RASEF: variants seen among roughly 807,000 people sequenced by gnomAD.
The protein encoded by RASEF is ras and EF-hand domain-containing protein.
Under a neutral mutation model 90.1 loss-of-function variants are expected in RASEF, and 68 were observed. The ratio of observed to expected loss-of-function variants is 0.75; its 90% CI spans 0.62 to 0.92. The LOEUF (loss-of-function observed/expected upper bound fraction) is 0.92, where lower values mean the gene tolerates loss of function less well. Ranked by LOEUF, RASEF falls within the 40% of genes least tolerant of loss-of-function variation. RASEF has a pLI of 0.00. For missense variants in RASEF, 949 were observed against 937.2 expected (o/e 1.01, Z -0.16); for synonymous variants, 331 against 345.2 (o/e 0.96, Z 0.46).
At chr9:83,200,882 C>T in the RASEF span, 2,154 of 152,330 alleles carry the variant, frequency 0.014, 17 homozygotes, top group South Asian at 0.033. Context: ...CTGGACATGA[C>T]CTCCAGCTGA....
the RASEF span, among the ~76,000 whole-genome samples, chr9:83,213,097 A>ATTT: frequency 4.2e-4 from 63 of 151,146 alleles, no homozygotes; most frequent in Middle Eastern, 3.4e-3. Flanking sequence ...ACGTTTTAAA[A>ATTT]AAAAAAAAAA....
At chr9:83,159,569 T>C in the RASEF span, among the ~76,000 whole-genome samples, 1 of 152,220 alleles carries the variant, frequency 6.6e-6, no homozygotes, top group Non-Finnish European at 1.5e-5. Context: ...TCTAATTGTG[T>C]TTGAAATGTC....
chr9:83,074,044 T>C, the RASEF span, among the ~76,000 whole-genome samples: 1 of 152,200 alleles, frequency 6.6e-6, no homozygotes, highest in Non-Finnish European at 1.5e-5. Flanking sequence ...ATGTATATTT[T>C]CAATATCTTT....
At chr9:83,068,906 T>A in the RASEF span, among the ~76,000 whole-genome samples, 1 of 152,248 alleles carries the variant, frequency 6.6e-6, no homozygotes. Context: ...AAACTATTTG[T>A]CATGCAAGTT....
the RASEF span, among the ~76,000 whole-genome samples, chr9:83,143,988 C>T: frequency 6.6e-6 from 1 of 152,080 alleles, no homozygotes; most frequent in Non-Finnish European, 1.5e-5. Flanking sequence ...AGAATGAAAT[C>T]CTGTCCTTTG....
Position 82,982,448 on chromosome 9 carries a change from G to A in RASEF, c.*229C>T, listed in dbSNP as rs963228688. 7 of 395,204 alleles carry A rather than the reference G, an allele frequency of 1.8e-5. No homozygotes were observed. Among genetic ancestry groups the A allele is most frequent in the Admixed American group, 3.8e-5 (1 of 25,978 alleles). The allele number at this position is 395,204 out of a possible 1,614,324, so 24.5% of individuals were successfully genotyped here. On this transcript the variant is annotated 3_prime_UTR_variant, in exon 17 of 17. Transcript: ENST00000376447. ...ATTTACATGTTATCTTTTAAGACCT[G>A]TAAGGACATGACTAGTCTATTTAGC...
intron 1 of RASEF, among the ~76,000 whole-genome samples, chr9:83,045,368 G>A (rs1006911851): frequency 2.6e-5 from 4 of 152,170 alleles, no homozygotes; most frequent in African/African-American, 9.7e-5. Context: ...AATTGTTACT[G>A]ATAAGAACCT....
chr9:83,157,579 T>C, the RASEF span, among the ~76,000 whole-genome samples: 1 of 152,220 alleles, frequency 6.6e-6, no homozygotes, highest in African/African-American at 2.4e-5. Context: ...TAAACTTCTT[T>C]CCTTTATTAA....
At chr9:83,120,465 A>G in the RASEF span, among the ~76,000 whole-genome samples, 1 of 152,194 alleles carries the variant, frequency 6.6e-6, no homozygotes, top group African/African-American at 2.4e-5. Flanking sequence ...AGAATTTGCC[A>G]GCCATGGACC....
the RASEF span, among the ~76,000 whole-genome samples, chr9:83,196,919 C>A: frequency 2.8e-4 from 42 of 152,316 alleles, no homozygotes; most frequent in South Asian, 1.9e-3. Context: ...CACTTGGAAC[C>A]ACAAAATGTC....
intron 6 of RASEF, 108 bp from the exon 7 acceptor site, chr9:83,007,613 T>G: frequency 1.2e-6 from 1 of 806,370 alleles, no homozygotes; most frequent in Non-Finnish European, 2.1e-6. Flanking sequence ...CGAGTGTCCT[T>G]GGCCACAGTT....
the RASEF span, among the ~76,000 whole-genome samples, chr9:83,161,337 T>C: frequency 2.0e-5 from 3 of 152,184 alleles, no homozygotes; most frequent in African/African-American, 4.8e-5. Flanking sequence ...CAGCATGATC[T>C]GGATGTGAGA....
chr9:83,167,903 C>T, the RASEF span, among the ~76,000 whole-genome samples: 1 of 152,090 alleles, frequency 6.6e-6, no homozygotes, highest in Admixed American at 6.6e-5. Flanking sequence ...TTATTATGCA[C>T]CCACCAGTTG....
At chr9:82,997,936 A>G (rs2118426408) in intron 13 of RASEF, among the ~76,000 whole-genome samples, 1 of 152,308 alleles carries the variant, frequency 6.6e-6, no homozygotes. Context: ...TAATGAATGC[A>G]AGGTAAAGTG....
chr9:83,081,491 A>G, the RASEF span, among the ~76,000 whole-genome samples: 2,125 of 152,246 alleles, frequency 0.014, 53 homozygotes, highest in African/African-American at 0.048. Flanking sequence ...CCAGATGGAG[A>G]CACTGGTTTC....
chr9:83,117,801 A>G, the RASEF span, among the ~76,000 whole-genome samples: 2 of 152,232 alleles, frequency 1.3e-5, no homozygotes, highest in Non-Finnish European at 1.5e-5. Context: ...GCATGGTATT[A>G]ACTTTTTCAG....
chr9:83,172,824 T>C, the RASEF span, among the ~76,000 whole-genome samples: 1 of 151,988 alleles, frequency 6.6e-6, no homozygotes, highest in Admixed American at 6.6e-5. Context: ...GTTTTATGAA[T>C]TTGTCTGCAG....
the RASEF span, among the ~76,000 whole-genome samples, chr9:83,096,455 T>C: frequency 6.6e-6 from 1 of 152,036 alleles, no homozygotes; most frequent in African/African-American, 2.4e-5. Context: ...TTAAGATGCT[T>C]ACGCATGAAA....
At chr9:83,073,599 G>T in the RASEF span, among the ~76,000 whole-genome samples, 2 of 152,192 alleles carry the variant, frequency 1.3e-5, no homozygotes, top group African/African-American at 2.4e-5. Flanking sequence ...GGGCTATCTG[G>T]AAGCCACTGC....
Sources: allele counts gnomAD v4.1 joint callset (sites outside exome capture counted in the v4.1 genomes callset), GRCh38; gene constraint gnomAD v4.1.1; transcripts MANE v1.5; gene names NCBI Gene and HGNC (gene_info 2026-07-23, HGNC 2026-07-21).